The following CELF2 variants were observed in gnomAD, a reference collection of about 807,000 sequenced individuals.
The protein encoded by CELF2 is CUGBP Elav-like family member 2.
CELF2 carries 8 observed loss-of-function variants against 62.6 expected under a neutral mutation model. That is an observed-to-expected ratio of 0.13 (90% confidence interval 0.07 to 0.23). CELF2 has a LOEUF of 0.23. Among genes scored for constraint, CELF2 ranks in the 10% least tolerant of loss-of-function variants. CELF2 has a pLI of 1.00. For missense variants in CELF2, 333 were observed against 671.0 expected, an observed-to-expected ratio of 0.50 and a Z score of 5.56; for synonymous variants, 258 against 250.0, an observed-to-expected ratio of 1.03 and a Z score of -0.30.
rs558179121 is a variant in CELF2, at chr10:10,832,658, T to C, written c.53+33841T>C. 4.2e-4 allele frequency among the ~76,000 whole-genome samples: 64 copies of C among 152,282 alleles called. No homozygotes were observed. The South Asian group carries it at 0.012, about 28-fold the overall frequency. On this transcript the variant is annotated intron_variant, in intron 1 of 13. Transcript: ENST00000636488. ...AATCAATTGACTAAATAGTCCATGATTCAGGGCGGAAATCCCATACCGGAT... is the reference window on the plus strand; with the variant it reads ...AATCAATTGACTAAATAGTCCATGACTCAGGGCGGAAATCCCATACCGGAT...
At chr10:11,162,468 G>A (rs547158622) in intron 1 of CELF2, among the ~76,000 whole-genome samples, 92 of 152,306 alleles carry the variant, frequency 6.0e-4, no homozygotes, top group Admixed American at 1.6e-3. Flanking sequence ...AAAAGGGCAG[G>A]TAGTTTGGCA....
At chr10:10,800,148 G>T (rs1170613847) in intron 1 of CELF2, among the ~76,000 whole-genome samples, 1 of 152,100 alleles carries the variant, frequency 6.6e-6, no homozygotes, top group African/African-American at 2.4e-5. Context: ...TTTAAAAATT[G>T]CCAATACCCA....
chr10:10,517,593 G>A, the CELF2 span, among the ~76,000 whole-genome samples: 1 of 152,268 alleles, frequency 6.6e-6, no homozygotes, highest in South Asian at 2.1e-4. Flanking sequence ...TTAGTGAAAC[G>A]CACTGGAGAC....
intron 1 of CELF2, among the ~76,000 whole-genome samples, chr10:11,142,683 CAAAAAA>C (rs1006618543): frequency 3.1e-5 from 2 of 63,712 alleles, no homozygotes; most frequent in African/African-American, 5.7e-5. Flanking sequence ...GACGCTGTCT[CAAAAAA>C]AAAAAAAAAA....
intron 3 of CELF2, among the ~76,000 whole-genome samples, chr10:11,234,768 C>G (rs112060057): frequency 7.2e-5 from 11 of 152,050 alleles, no homozygotes; most frequent in African/African-American, 2.7e-4. Context: ...CCCCTCATCC[C>G]CATCGCAATC....
the CELF2 span, among the ~76,000 whole-genome samples, chr10:10,700,652 T>C: frequency 6.2e-4 from 95 of 152,336 alleles, 2 homozygotes; most frequent in Admixed American, 3.5e-3. Context: ...CCCACTCCTA[T>C]GTATCTCCTA....
the CELF2 span, among the ~76,000 whole-genome samples, chr10:10,531,228 T>G: frequency 1.3e-5 from 2 of 152,200 alleles, no homozygotes; most frequent in African/African-American, 4.8e-5. Context: ...AAGTGGGCCC[T>G]GGGGAACACC....
At chr10:10,644,906 A>G in the CELF2 span, among the ~76,000 whole-genome samples, 1 of 152,170 alleles carries the variant, frequency 6.6e-6, no homozygotes, top group Non-Finnish European at 1.5e-5. Context: ...TTCACATCAT[A>G]TTGAAAATCT....
At chr10:10,715,705 A>G in the CELF2 span, among the ~76,000 whole-genome samples, 2 of 152,198 alleles carry the variant, frequency 1.3e-5, no homozygotes, top group Admixed American at 6.5e-5. Flanking sequence ...CACAACCATC[A>G]TTTTCCCAGA....
At position 10,867,617 on chromosome 10, in the gene CELF2, A is replaced by G. The variant is rs367791193; in HGVS notation, c.54-52347A>G. On this transcript the variant is annotated intron_variant, in intron 1 of 13. Coordinates refer to the CELF2 transcript ENST00000636488. The stretch of plus-strand genomic sequence containing the variant: ...TCCCAGCTTTACTTTCTTTCCCTGC[A>G]CAGGCCAAAACCCATGGGCCATGCC... 3.3e-3 allele frequency among the ~76,000 whole-genome samples: 507 copies of G among 152,224 alleles called. 2 individuals carry two copies. Among genetic ancestry groups the G allele is most frequent in the South Asian group, 0.017 (82 of 4,822 alleles).
intron 1 of CELF2, among the ~76,000 whole-genome samples, chr10:10,822,277 T>C (rs1174482619): frequency 6.6e-6 from 1 of 152,248 alleles, no homozygotes; most frequent in Non-Finnish European, 1.5e-5. Flanking sequence ...TGGCTGTTTG[T>C]TTCTGCCTTC....
At chr10:11,262,940 C>CTGTTTTTTTTT (rs2081116336) in intron 5 of CELF2, among the ~76,000 whole-genome samples, 1 of 52,766 alleles carries the variant, frequency 1.9e-5, no homozygotes, top group Non-Finnish European at 3.3e-5. Flanking sequence ...AGTGGCTTTA[C>CTGTTTTTTTTT]TTTTTTTTTT....
In CELF2 at chr10:10,886,529, G is replaced by C. The variant is rs556489514; in HGVS notation, c.54-33435G>C. On this transcript the variant is annotated intron_variant, in intron 1 of 13. Coordinates refer to the CELF2 transcript ENST00000636488. ...CTGACAACTGAACGAGAGCCTGAAC[G>C]TGTATGTGCATTAAAAAAGGAAATG... is the stretch of plus-strand genomic sequence containing the variant. Among the ~76,000 whole-genome samples, 11 of 152,212 alleles carry C rather than the reference G, an allele frequency of 7.2e-5. No individual in the cohort carries two copies. The East Asian group carries it at 1.9e-3, about 27-fold the overall frequency.
intron 1 of CELF2, among the ~76,000 whole-genome samples, chr10:10,908,447 C>T (rs2063533897): frequency 6.6e-6 from 1 of 151,664 alleles, no homozygotes; most frequent in Non-Finnish European, 1.5e-5. Context: ...GTCTCGATCT[C>T]CTGAACTCGT....
the CELF2 span, among the ~76,000 whole-genome samples, chr10:10,590,034 A>G: frequency 6.6e-6 from 1 of 152,176 alleles, no homozygotes; most frequent in Admixed American, 6.5e-5. Flanking sequence ...CGGGGTGCTC[A>G]GGAATCCTTC....
intron 1 of CELF2, among the ~76,000 whole-genome samples, chr10:10,820,272 C>T (rs1160671427): frequency 6.6e-6 from 1 of 152,126 alleles, no homozygotes; most frequent in Admixed American, 6.6e-5. Flanking sequence ...AATATTAGTA[C>T]TCTTTTCTGT....
chr10:10,616,711 TGTGTGTGTGAGAGA>T, the CELF2 span, among the ~76,000 whole-genome samples: 5 of 129,834 alleles, frequency 3.9e-5, no homozygotes, highest in East Asian at 1.0e-3. Context: ...TGTGTGTGTG[TGTGTGTGTGAGAGA>T]GAGAGAGAGA....
At chr10:10,945,685 G>A (rs1433132456) in intron 2 of CELF2, among the ~76,000 whole-genome samples, 3 of 152,170 alleles carry the variant, frequency 2.0e-5, no homozygotes, top group Admixed American at 1.3e-4. Flanking sequence ...GGGTGTATCT[G>A]AGTAGTAAAT....
At chr10:10,996,288 G>A (rs929968194) in intron 2 of CELF2, among the ~76,000 whole-genome samples, 4 of 152,136 alleles carry the variant, frequency 2.6e-5, no homozygotes, top group African/African-American at 9.7e-5. Context: ...CCCTAGCCCT[G>A]TTACTTTTTA....
Sources: allele counts gnomAD v4.1 joint callset (sites outside exome capture counted in the v4.1 genomes callset), GRCh38; gene constraint gnomAD v4.1.1; transcripts MANE v1.5; gene names NCBI Gene and HGNC (gene_info 2026-07-23, HGNC 2026-07-21).